The following PLD1 variants were observed in gnomAD, a reference collection of about 807,000 sequenced individuals.
The protein encoded by PLD1 is choline phosphatase 1.
Under a neutral mutation model 137.1 loss-of-function variants are expected in PLD1, and 112 were observed. The observed-to-expected ratio is 0.82, with a 90% CI of 0.70 to 0.96. The LOEUF (loss-of-function observed/expected upper bound fraction) is 0.96, where lower values mean the gene tolerates loss of function less well. Ranked by LOEUF, PLD1 falls within the 40% of genes least tolerant of loss-of-function variation. The pLI, the probability that PLD1 is intolerant of heterozygous loss-of-function variation, is 0.00. For missense variants in PLD1, 1,321 were observed against 1,342.0 expected (o/e 0.98, Z 0.24); for synonymous variants, 431 against 454.7 (o/e 0.95, Z 0.66).
At chr3:171,751,346 C>T (rs1332658700) in intron 1 of PLD1, among the ~76,000 whole-genome samples, 4 of 152,014 alleles carry the variant, frequency 2.6e-5, no homozygotes, top group South Asian at 2.1e-4. Flanking sequence ...AAGTTTAAAA[C>T]GTTCATTGAA....
At chr3:171,792,604 A>T (rs1442636458) in intron 1 of PLD1, 1 of 456,610 alleles carries the variant, frequency 2.2e-6, no homozygotes, top group Admixed American at 2.3e-5. Flanking sequence ...GCTGAGGCTG[A>T]TGGAGCAAGT....
chr3:171,738,132 A>G, intron 1 of PLD1, 50 bp from the exon 2 acceptor site: 3 of 1,108,578 alleles, frequency 2.7e-6, no homozygotes, highest in Non-Finnish European at 3.9e-6. Flanking sequence ...GATAACATAA[A>G]ATGCTATTCC....
chr3:171,743,675 G>A (rs566883126), intron 1 of PLD1, among the ~76,000 whole-genome samples: 1 of 152,132 alleles, frequency 6.6e-6, no homozygotes, highest in South Asian at 2.1e-4. Flanking sequence ...AAATGAGCAC[G>A]GGCTCACACA....
rs1437009152 is a variant in PLD1 at position 171,687,491 on chromosome 3, C to A, written c.1633G>T (p.Asp545Tyr). ...LPIQKSIDDV[D>Y]SKLKGIGKPR... ...TTTCCTATTCCTTTCAGTTTTGAAT[C>A]CACATCATCAATACTCTTCTGGATG... Residue 545 changes from aspartate (D) to tyrosine (Y), a missense_variant, in exon 15 of 27, where the codon GAT (aspartate) becomes TAT (tyrosine). Transcript: ENST00000351298. 1 of 1,613,838 alleles carries A rather than the reference C, an allele frequency of 6.2e-7. No individual in the cohort carries two copies.
intron 23 of PLD1, among the ~76,000 whole-genome samples, chr3:171,627,653 A>G (rs1432913468): frequency 1.3e-5 from 2 of 152,238 alleles, no homozygotes; most frequent in Non-Finnish European, 2.9e-5. Flanking sequence ...AAATTATAAC[A>G]AACTATCTCT....
At chr3:171,762,293 G>T (rs150601739) in intron 1 of PLD1, among the ~76,000 whole-genome samples, 2 of 152,168 alleles carry the variant, frequency 1.3e-5, no homozygotes, top group Non-Finnish European at 2.9e-5. Context: ...GTTAATCAAG[G>T]TTTGTCTACA....
intron 23 of PLD1, among the ~76,000 whole-genome samples, chr3:171,626,182 G>T: frequency 6.6e-6 from 1 of 152,176 alleles, no homozygotes; most frequent in Non-Finnish European, 1.5e-5. Context: ...TGAAAGCCAA[G>T]GCTCGAGAAC....
chr3:171,635,095 TGTCA>T (rs1734996542), intron 23 of PLD1, among the ~76,000 whole-genome samples: 1 of 152,146 alleles, frequency 6.6e-6, no homozygotes, highest in Admixed American at 6.6e-5. Flanking sequence ...ATGTAGTATA[TGTCA>T]GTTCATGCCT....
intron 6 of PLD1, among the ~76,000 whole-genome samples, chr3:171,733,102 T>G (rs1483164217): frequency 6.6e-6 from 1 of 152,240 alleles, no homozygotes; most frequent in Non-Finnish European, 1.5e-5. Context: ...ACTCAACAGT[T>G]ACTCTTTGTA....
At chr3:171,623,521 A>C (rs1733824578) in intron 23 of PLD1, among the ~76,000 whole-genome samples, 1 of 150,696 alleles carries the variant, frequency 6.6e-6, no homozygotes, top group East Asian at 1.9e-4. Context: ...ACAGGGTTTC[A>C]CCATGTTAGC....
intron 4 of PLD1, 109 bp downstream of exon 4, chr3:171,735,383 G>A: frequency 1.1e-6 from 1 of 875,706 alleles, no homozygotes; most frequent in East Asian, 2.4e-5. Flanking sequence ...TGATCCTCCT[G>A]CCTCAGCCTC....
At chr3:171,677,041 T>C (rs1237980326) in intron 17 of PLD1, among the ~76,000 whole-genome samples, 1 of 152,258 alleles carries the variant, frequency 6.6e-6, no homozygotes, top group Non-Finnish European at 1.5e-5. Flanking sequence ...CCCACATATG[T>C]TTCCGTTTCA....
At chr3:171,640,762 C>T (rs1735664913) in intron 23 of PLD1, among the ~76,000 whole-genome samples, 1 of 152,196 alleles carries the variant, frequency 6.6e-6, no homozygotes, top group Non-Finnish European at 1.5e-5. Context: ...GCACACAGCC[C>T]TACACAGACC....
At chr3:171,804,865 G>A (rs1205069312) in intron 1 of PLD1, among the ~76,000 whole-genome samples, 2 of 152,206 alleles carry the variant, frequency 1.3e-5, no homozygotes, top group Admixed American at 6.5e-5. Flanking sequence ...TTTTTGTAAA[G>A]AATTGACAAA....
At chr3:171,625,228 C>A (rs548883056) in intron 23 of PLD1, among the ~76,000 whole-genome samples, 1 of 152,236 alleles carries the variant, frequency 6.6e-6, no homozygotes, top group African/African-American at 2.4e-5. Context: ...GAGGCTCCCA[C>A]GCCCACGGAG....
At chr3:171,735,745 C>A in intron 3 of PLD1, 108 bp from the exon 4 acceptor site, 1 of 636,954 alleles carries the variant, frequency 1.6e-6, no homozygotes. Context: ...TTAAGTCCAG[C>A]CTACTTATTT....
At position 171,603,314 on chromosome 3, in the gene PLD1, A is replaced by C. The variant is rs1731963073; in HGVS notation, c.3001-12T>G. ...AGGCACCGGAAAACCTGATTAGAGC[A>C]TAAATAGAAAAATGAGTGAAAAGTT... is the stretch of plus-strand genomic sequence containing the variant. On this transcript the variant is annotated splice_polypyrimidine_tract_variant and intron_variant, in intron 26 of 26. Transcript: ENST00000351298. 3.8e-6 allele frequency: 6 copies of C among 1,593,676 alleles called. No individual in the cohort carries two copies. The South Asian group carries it at 6.6e-5, about 18-fold the overall frequency.
intron 1 of PLD1, among the ~76,000 whole-genome samples, chr3:171,747,111 C>T (rs1297064043): frequency 3.3e-5 from 5 of 152,106 alleles, no homozygotes; most frequent in Admixed American, 1.3e-4. Context: ...CTGAGGCCAG[C>T]GAGACCACGA....
intron 20 of PLD1, among the ~76,000 whole-genome samples, chr3:171,661,100 A>G (rs1441742351): frequency 2.0e-5 from 3 of 152,180 alleles, no homozygotes; most frequent in Non-Finnish European, 4.4e-5. Flanking sequence ...CTATTCCATG[A>G]TGCCATTCAG....
Sources: gnomAD v4.1 joint callset for allele counts (sites outside exome capture counted in the v4.1 genomes callset) on GRCh38, gnomAD v4.1.1 for gene constraint, MANE v1.5 for transcripts, NCBI Gene and HGNC (gene_info 2026-07-23, HGNC 2026-07-21) for gene names.